Variants in MYSM1 observed in about 807,000 individuals in gnomAD.
MYSM1 encodes Myb like, SWIRM and MPN domains 1.
Under a neutral mutation model 116.0 loss-of-function variants are expected in MYSM1, and 51 were observed. That is an observed-to-expected ratio of 0.44 (90% CI 0.35 to 0.56). MYSM1 has a LOEUF of 0.56. Among genes scored for constraint, MYSM1 ranks in the 20% least tolerant of loss-of-function variants. The pLI is 0.00. For missense variants in MYSM1, 900 were observed against 974.9 expected, an observed-to-expected ratio of 0.92 and a Z score of 1.02; for synonymous variants, 313 against 315.2, an observed-to-expected ratio of 0.99 and a Z score of 0.07.
chr1:58,655,665 C>T lies in MYSM1; in HGVS notation c.*4332G>A, dbSNP rs200158806. ...TTAAGAAAAGGTCAGGAAATATATC[C>T]TAAAGTATATTACATTATTCTCCCA... is the stretch of plus-strand genomic sequence containing the variant. On this transcript the variant is annotated 3_prime_UTR_variant, in exon 20 of 20. Coordinates refer to ENST00000472487, the MANE Select transcript of MYSM1 (RefSeq NM_001085487.3). 1 of 151,958 alleles carries T rather than the reference C, an allele frequency of 6.6e-6. No homozygotes were observed. Among genetic ancestry groups the T allele is most frequent in the East Asian group, 1.9e-4 (1 of 5,190 alleles). The allele number at this position is 151,958 out of a possible 1,614,324, so 9.4% of individuals were successfully genotyped here. A position where few individuals can be genotyped will look rare whatever the true frequency, so the allele number is the denominator to read the frequency against.
rs1244608668 is a variant in MYSM1, at chr1:58,659,218, G to A, written c.*779C>T. 1 of 152,070 alleles carries A rather than the reference G, an allele frequency of 6.6e-6. No individual in the cohort carries two copies. Among genetic ancestry groups the A allele is most frequent in the African/African-American group, 2.4e-5 (1 of 41,424 alleles). 9.4% of individuals were successfully genotyped at this position (152,070 alleles called of 1,614,324 possible). A position where few individuals can be genotyped will look rare whatever the true frequency, so the allele number is the denominator to read the frequency against. ...TGCCTCTTTCTCCTAGTAGTAGGCA[G>A]TAGAAAAAAAGTTTGAGTTATGATT... On this transcript the variant is annotated 3_prime_UTR_variant, in exon 20 of 20. Transcript: ENST00000472487.
chr1:58,679,922 G>C (rs1373032992), intron 8 of MYSM1, among the ~76,000 whole-genome samples: 1 of 151,934 alleles, frequency 6.6e-6, no homozygotes, highest in East Asian at 1.9e-4. Flanking sequence ...CAGCTGCATG[G>C]GAGCTGAGGC....
chr1:58,662,669 A>G (rs1030826347), intron 17 of MYSM1, among the ~76,000 whole-genome samples: 3 of 151,908 alleles, frequency 2.0e-5, no homozygotes, highest in South Asian at 2.1e-4. Flanking sequence ...GAAAAAAAAA[A>G]GGGGAAAAAT....
chr1:58,660,095 A>G lies in MYSM1; in HGVS notation c.2389T>C (p.Phe797Leu). Residue 797 changes from phenylalanine to leucine, a missense_variant, in exon 20 of 20, where the codon TTC (phenylalanine) becomes CTC (leucine). Physicochemically the swap from Phe to Leu is conservative, Grantham distance 22 (BLOSUM62 0). This residue lies in a region of MYSM1 where 186 missense variants were observed against 196.2 expected (regional missense o/e 0.95). Coordinates refer to ENST00000472487, the MANE Select transcript of MYSM1 (RefSeq NM_001085487.3). ...AACAAATTTTCTATTTCAGTCAAGA[A>G]TTCTTCAGCCATAAAGCAATTGGTC... ...KVTNCFMAEE[F>L]LTEIENLFLS... The G allele has an allele frequency of 6.2e-7, 1 of 1,611,464 alleles. No homozygotes were observed. The highest frequency in any genetic ancestry group is 8.5e-7 in the Non-Finnish European group (1 of 1,178,542).
Position 58,657,496 on chromosome 1 carries a change from C to T in MYSM1, c.*2501G>A, listed in dbSNP as rs534976788. On this transcript the variant is annotated 3_prime_UTR_variant, in exon 20 of 20. Transcript: ENST00000472487. ...GGTAGTAGCCCAAGGCTGGTAGTGC[C>T]AGCAATGTGGGTACCTGTGGTTGCA... 1.3e-5 allele frequency: 2 copies of T among 151,964 alleles called. No individual in the cohort carries two copies. The highest frequency in any genetic ancestry group is 6.6e-5 in the Admixed American group (1 of 15,240). 9.4% of individuals were successfully genotyped at this position (151,964 alleles called of 1,614,324 possible).
At chr1:58,663,822 T>G (rs1016108890) in intron 17 of MYSM1, among the ~76,000 whole-genome samples, 2 of 152,208 alleles carry the variant, frequency 1.3e-5, no homozygotes, top group East Asian at 3.8e-4. Context: ...GGTCTCCTTA[T>G]CTCCATCACC....
intron 6 of MYSM1, among the ~76,000 whole-genome samples, chr1:58,686,651 G>A (rs1340369468): frequency 6.6e-6 from 1 of 152,156 alleles, no homozygotes; most frequent in African/African-American, 2.4e-5. Context: ...ATTTAAGATT[G>A]CTCTTAACAC....
chr1:58,673,642 C>T lies in MYSM1; in HGVS notation c.1503G>A (p.Arg501=), dbSNP rs761632043. The stretch of plus-strand genomic sequence containing the variant: ...CCCATGGGTCTCGGACCCTACGTCT[C>T]CTTGTACGCTGCGATGAGATTAAAG... ...LAQRLQSMRT[R]RRRVRDPWGN... The change falls in exon 11 of 20, where the codon AGG becomes AGA. Residue 501 remains arginine (R), a synonymous_variant. Transcript: ENST00000472487. 7 of 1,613,750 alleles carry T rather than the reference C, an allele frequency of 4.3e-6. No homozygotes were observed. The African/African-American group carries it at 9.3e-5, about 22-fold the overall frequency.
chr1:58,695,050 T>C, intron 2 of MYSM1, 79 bp downstream of exon 2: 1 of 705,666 alleles, frequency 1.4e-6, no homozygotes, highest in South Asian at 2.2e-5. Context: ...TAGCACTAAG[T>C]TTAAAAAAAA....
chr1:58,685,567 T>G (rs887269328), intron 6 of MYSM1, among the ~76,000 whole-genome samples: 5 of 152,212 alleles, frequency 3.3e-5, no homozygotes, highest in African/African-American at 1.2e-4. Flanking sequence ...CTAAAATAAC[T>G]TTTTAAAATA....
chr1:58,660,131 G>C lies in MYSM1; in HGVS notation c.2353C>G (p.Leu785Val). The C allele has an allele frequency of 1.2e-6, 2 of 1,603,932 alleles. No homozygotes were observed. The highest frequency in any genetic ancestry group is 1.7e-6 in the Non-Finnish European group (2 of 1,175,904). Residue 785 changes from leucine to valine, a missense_variant, in exon 20 of 20, where the codon CTG becomes GTG. By Grantham distance (32) the Leu-to-Val change is conservative. Around this residue, in one of 3 missense-constraint regions of MYSM1, gnomAD observed 186 missense variants for 196.2 expected, o/e 0.95. Transcript: ENST00000472487. Reference sequence around the variant, plus strand: ...ATAAAGCAATTGGTCACTTTGCTCAGAGTCTTCCTCATACACTCCAAAAGC... The same window carrying C: ...ATAAAGCAATTGGTCACTTTGCTCACAGTCTTCCTCATACACTCCAAAAGC... ...QKLLECMRKT[L>V]SKVTNCFMAE...
intron 19 of MYSM1, 115 bp downstream of exon 19, chr1:58,661,055 A>G (rs1644383313): frequency 1.3e-6 from 1 of 757,412 alleles, no homozygotes; most frequent in East Asian, 2.7e-5. Flanking sequence ...AAAAGTAATA[A>G]AAGAAATATA....
intron 17 of MYSM1, among the ~76,000 whole-genome samples, chr1:58,664,440 A>G (rs1644438442): frequency 6.6e-6 from 1 of 152,076 alleles, no homozygotes; most frequent in South Asian, 2.1e-4. Context: ...AAAAAAGACA[A>G]ATAAGACACA....
intron 14 of MYSM1, chr1:58,668,407 G>C: frequency 7.8e-7 from 1 of 1,284,258 alleles, no homozygotes; most frequent in Non-Finnish European, 9.9e-7. Flanking sequence ...GTTAATGATG[G>C]TAAACAGTCT....
Position 58,666,952 on chromosome 1 carries a change from T to C in MYSM1, c.2031+86A>G, listed in dbSNP as rs1008486306. The C allele has an allele frequency of 5.4e-6, 3 of 551,108 alleles. No individual in the cohort carries two copies. The African/African-American group carries it at 5.9e-5, about 11-fold the overall frequency. The allele number at this position is 551,108 out of a possible 1,614,324, so 34.1% of individuals were successfully genotyped here. A position where few individuals can be genotyped will look rare whatever the true frequency, so the allele number is the denominator to read the frequency against. ...TATAAAGAATATTAGAAATGTAATA[T>C]GAAAAATGTTTAAAGTTTATCTATT... On this transcript the variant is annotated intron_variant, in intron 16 of 19. Transcript: ENST00000472487.
At chr1:58,686,981 A>C (rs7516322) in intron 6 of MYSM1, among the ~76,000 whole-genome samples, 3,159 of 151,790 alleles carry the variant, frequency 0.021, 96 homozygotes, top group African/African-American at 0.071. Flanking sequence ...AAAAAAAAGA[A>C]GATAAAAAAA....
chr1:58,697,153 G>C (rs1031528982), intron 1 of MYSM1, among the ~76,000 whole-genome samples: 1 of 152,226 alleles, frequency 6.6e-6, no homozygotes, highest in Admixed American at 6.5e-5. Context: ...TAGGGTAGAG[G>C]AGTAGAAGGA....
At chr1:58,667,500 T>C (rs1329263149) in intron 15 of MYSM1, among the ~76,000 whole-genome samples, 2 of 152,212 alleles carry the variant, frequency 1.3e-5, no homozygotes, top group African/African-American at 4.8e-5. Context: ...ATTCTTTCAA[T>C]GACTCCTGTT....
intron 12 of MYSM1, among the ~76,000 whole-genome samples, chr1:58,671,427 AGGAAGAG>A (rs1644559233): frequency 6.6e-6 from 1 of 152,176 alleles, no homozygotes; most frequent in African/African-American, 2.4e-5. Context: ...GGGCATCTGC[AGGAAGAG>A]GGAATAGAAA....
Sources: gnomAD v4.1 joint callset for allele counts (sites outside exome capture counted in the v4.1 genomes callset) on GRCh38, gnomAD v4.1.1 for gene constraint, gnomAD v4.1.1 regional missense constraint, MANE v1.5 for transcripts, NCBI Gene and HGNC (gene_info 2026-07-23, HGNC 2026-07-21) for gene names.